Variants in NME7 observed in about 807,000 individuals in gnomAD.
NME7 encodes the protein NME/NM23 family member 7, also known as nucleoside diphosphate kinase 7.
Under a neutral mutation model 49.1 loss-of-function variants are expected in NME7, and 41 were observed. The ratio of observed to expected loss-of-function variants is 0.83; its 90% CI spans 0.65 to 1.08. The LOEUF is 1.08. Ranked by LOEUF, NME7 falls within the 50% of genes least tolerant of loss-of-function variation. The pLI is 0.00. For synonymous variants in NME7, 139 were observed against 150.6 expected (o/e 0.92, Z 0.56); for missense variants, 423 against 463.4 (o/e 0.91, Z 0.80).
At chr1:169,311,416 C>CAAAAAAAAAA (rs34576386) in intron 3 of NME7, among the ~76,000 whole-genome samples, 1 of 83,648 alleles carries the variant, frequency 1.2e-5, no homozygotes, top group African/African-American at 4.9e-5. Context: ...GACTCCATCT[C>CAAAAAAAAAA]AAAAAAAAAA....
At chr1:169,138,607 C>T (rs780917107) in intron 11 of NME7, among the ~76,000 whole-genome samples, 4 of 151,562 alleles carry the variant, frequency 2.6e-5, no homozygotes, top group African/African-American at 7.3e-5. Flanking sequence ...TAGTCCCAGC[C>T]GCTTGGGAGG....
chr1:169,366,881 G>A (rs933117775), intron 1 of NME7, among the ~76,000 whole-genome samples: 6 of 151,102 alleles, frequency 4.0e-5, no homozygotes, highest in African/African-American at 1.5e-4. Context: ...TGGTGGGTGA[G>A]GGCTCTGTTT....
chr1:169,179,128 T>G (rs1296934492), intron 10 of NME7, among the ~76,000 whole-genome samples: 1 of 152,150 alleles, frequency 6.6e-6, no homozygotes, highest in Non-Finnish European at 1.5e-5. Context: ...GCCTAAAACC[T>G]CTTGTATAGC....
intron 10 of NME7, among the ~76,000 whole-genome samples, chr1:169,197,034 T>C (rs140552538): frequency 6.6e-6 from 1 of 152,264 alleles, no homozygotes; most frequent in African/African-American, 2.4e-5. Context: ...AGATTTGTCT[T>C]AAGCTGAGTG....
At chr1:169,156,012 C>T (rs754303479) in intron 11 of NME7, among the ~76,000 whole-genome samples, 1 of 152,126 alleles carries the variant, frequency 6.6e-6, no homozygotes, top group Non-Finnish European at 1.5e-5. Flanking sequence ...TACAGCCCAG[C>T]AATCCGTATT....
At position 169,237,611 on chromosome 1, in the gene NME7, T is replaced by A. The variant is rs1377823864; in HGVS notation, c.819+12A>T. ...TCCTCACAAATATTATGGTTCATTG[T>A]AAACTACCTACCATCTGCATAGCTG... On this transcript the variant is annotated intron_variant, in intron 8 of 11. Coordinates refer to ENST00000367811, the MANE Select transcript of NME7 (RefSeq NM_013330.5). The A allele has an allele frequency of 3.1e-6, 5 of 1,597,790 alleles. No homozygotes were observed. The highest frequency in any genetic ancestry group is 4.3e-6 in the Non-Finnish European group (5 of 1,167,130).
Position 169,195,303 on chromosome 1 carries a change from C to T in NME7, c.991-25749G>A, listed in dbSNP as rs184661352. 8.5e-5 allele frequency among the ~76,000 whole-genome samples: 13 copies of T among 152,288 alleles called. No individual in the cohort carries two copies. In the East Asian group the frequency reaches 1.9e-3, roughly 23 times the overall value. On this transcript the variant is annotated intron_variant, in intron 10 of 11. Coordinates refer to ENST00000367811, the MANE Select transcript of NME7 (RefSeq NM_013330.5). Reference sequence around the variant, plus strand: ...CATAGCTCACTGCAGCCTCAAACTCCTGAGCTCAAGGGATCCTCCCACCTC... The same window carrying T: ...CATAGCTCACTGCAGCCTCAAACTCTTGAGCTCAAGGGATCCTCCCACCTC...
chr1:169,211,304 T>C (rs563360300), intron 10 of NME7, among the ~76,000 whole-genome samples: 7 of 152,306 alleles, frequency 4.6e-5, no homozygotes, highest in Admixed American at 4.6e-4. Context: ...CATTATTTTG[T>C]TCCTATATTT....
chr1:169,363,731 G>A (rs1653746653), intron 1 of NME7, among the ~76,000 whole-genome samples: 1 of 152,058 alleles, frequency 6.6e-6, no homozygotes, highest in Admixed American at 6.5e-5. Context: ...TGTTAGCGTG[G>A]CCTGGACTCC....
intron 7 of NME7, among the ~76,000 whole-genome samples, chr1:169,253,243 A>T (rs1228470884): frequency 1.6e-4 from 24 of 146,862 alleles, no homozygotes; most frequent in Non-Finnish European, 3.0e-4. Context: ...TTCCTTGAGC[A>T]GTGGTTTGTA....
chr1:169,347,891 T>C (rs746431506), intron 1 of NME7, among the ~76,000 whole-genome samples: 27 of 152,212 alleles, frequency 1.8e-4, no homozygotes, highest in Non-Finnish European at 3.5e-4. Context: ...ATGCAAAATA[T>C]GCAAACCAAA....
At chr1:169,300,027 T>C (rs1050150388) in intron 5 of NME7, among the ~76,000 whole-genome samples, 1 of 152,106 alleles carries the variant, frequency 6.6e-6, no homozygotes, top group Non-Finnish European at 1.5e-5. Context: ...AAACACACAA[T>C]TGAATAAGCC....
At chr1:169,155,997 G>C (rs1321184369) in intron 11 of NME7, among the ~76,000 whole-genome samples, 5 of 151,942 alleles carry the variant, frequency 3.3e-5, no homozygotes, top group Admixed American at 6.6e-5. Flanking sequence ...CTAGACACTG[G>C]GGGGTACAGC....
intron 10 of NME7, among the ~76,000 whole-genome samples, chr1:169,170,613 C>G (rs1294120815): frequency 6.6e-6 from 1 of 152,022 alleles, no homozygotes; most frequent in African/African-American, 2.4e-5. Context: ...AAGTAAGTAT[C>G]CAATATTAAA....
At chr1:169,351,475 AAG>A (rs933959758) in intron 1 of NME7, among the ~76,000 whole-genome samples, 1 of 152,084 alleles carries the variant, frequency 6.6e-6, no homozygotes, top group Non-Finnish European at 1.5e-5. Flanking sequence ...ATTAAAAAAA[AAG>A]AGAGAAAAAC....
At chr1:169,166,666 A>C (rs549395777) in intron 11 of NME7, among the ~76,000 whole-genome samples, 27 of 152,186 alleles carry the variant, frequency 1.8e-4, no homozygotes, top group Non-Finnish European at 2.2e-4. Flanking sequence ...AGACCTCGGT[A>C]AAAAGTCATT....
At chr1:169,317,623 C>T (rs1184752528) in intron 3 of NME7, among the ~76,000 whole-genome samples, 1 of 152,048 alleles carries the variant, frequency 6.6e-6, no homozygotes, top group Non-Finnish European at 1.5e-5. Flanking sequence ...GGTCCTAGGA[C>T]AATATACAAA....
rs1252582585 is a variant in NME7 at position 169,254,895 on chromosome 1, G to C, written c.755-17208C>G. ...GGTTTTGAGTGAGATTCTTAATCCTGAGTTCTAGTTTGATTGCACTGTGGT... is the reference window on the plus strand; with the variant it reads ...GGTTTTGAGTGAGATTCTTAATCCTCAGTTCTAGTTTGATTGCACTGTGGT... On this transcript the variant is annotated intron_variant, in intron 7 of 11. Transcript: ENST00000367811. Among the ~76,000 whole-genome samples, 4 of 129,880 alleles carry C rather than the reference G, an allele frequency of 3.1e-5. 1 individual carries two copies. The highest frequency in any genetic ancestry group is 3.0e-4 in the Admixed American group (4 of 13,224). The allele number at this position is 129,880 out of a possible 152,430, so 85.2% of individuals were successfully genotyped here.
chr1:169,294,875 A>G (rs1389070839), intron 6 of NME7, among the ~76,000 whole-genome samples: 1 of 152,176 alleles, frequency 6.6e-6, no homozygotes, highest in Non-Finnish European at 1.5e-5. Flanking sequence ...TCACGTTGAA[A>G]TTTGATCCCC....
Sources: allele counts gnomAD v4.1 joint callset (sites outside exome capture counted in the v4.1 genomes callset), GRCh38; gene constraint gnomAD v4.1.1; transcripts MANE v1.5; gene names NCBI Gene and HGNC (gene_info 2026-07-23, HGNC 2026-07-21).